The following PPP2R5C variants were observed in gnomAD, a reference collection of about 807,000 sequenced individuals.
PPP2R5C encodes the protein serine/threonine-protein phosphatase 2A 56 kDa regulatory subunit gamma isoform.
Under a neutral mutation model 68.9 loss-of-function variants are expected in PPP2R5C, and 7 were observed. The ratio of observed to expected loss-of-function variants is 0.10; its 90% confidence interval spans 0.06 to 0.19. PPP2R5C has a LOEUF of 0.19. Among genes scored for constraint, PPP2R5C ranks in the 10% least tolerant of loss-of-function variants. The probability of loss-of-function intolerance (pLI) is 1.00; values close to 1 mark genes in which losing one functional copy is unlikely to be tolerated. For missense variants in PPP2R5C, 348 were observed against 641.3 expected (o/e 0.54, Z 4.94); for synonymous variants, 210 against 222.2 (o/e 0.95, Z 0.49).
chr14:101,881,143 C>G (rs144322924), intron 2 of PPP2R5C, among the ~76,000 whole-genome samples: 5 of 152,158 alleles, frequency 3.3e-5, no homozygotes, highest in Middle Eastern at 3.4e-3. Context: ...AATCCCAGCA[C>G]TTTGGGAGGC....
rs116284061 is a variant in PPP2R5C, at chr14:101,868,842, T to A, written c.294+11957T>A. Among the ~76,000 whole-genome samples, 304 of 152,348 alleles carry A rather than the reference T, an allele frequency of 2.0e-3. 3 individuals carry two copies. The highest frequency in any genetic ancestry group is 6.6e-3 in the African/African-American group (276 of 41,578). ...CTTTCTTGTGGCCAGTTCTCGGAAC[T>A]TTGATAAATGTGTATAGTCACGTCT... On this transcript the variant is annotated intron_variant, in intron 2 of 13. Coordinates refer to ENST00000334743, the Ensembl canonical transcript of PPP2R5C.
exon 9 of PPP2R5C, chr14:101,901,734 C>G (rs2045706969): frequency 6.2e-7 from 1 of 1,613,602 alleles, no homozygotes; most frequent in Middle Eastern, 1.8e-4. Flanking sequence ...GATGGCACTT[C>G]TCAAATACTG....
In PPP2R5C at chr14:101,879,353, C is replaced by G. The variant is rs1353860366; in HGVS notation, c.295-2808C>G. ...TTTCCTCTCCCCCAAGACCTACAGC[C>G]TCGTCTCTGGGTGAGCTGACCCCTC... is the stretch of plus-strand genomic sequence containing the variant. On this transcript the variant is annotated intron_variant, in intron 2 of 13. Transcript: ENST00000334743. This position sits in a 1 kb window ranked among gnomAD's most constrained non-coding sequence, Gnocchi z 4.2. 1 of 152,804 alleles carries G rather than the reference C, an allele frequency of 6.5e-6. No homozygotes were observed. The highest frequency in any genetic ancestry group is 1.5e-5 in the Non-Finnish European group (1 of 68,528). 9.5% of individuals were successfully genotyped at this position (152,804 alleles called of 1,614,324 possible). A position where few individuals can be genotyped will look rare whatever the true frequency, so the allele number is the denominator to read the frequency against.
chr14:101,799,219 C>T (rs988122220), intron 3 of PPP2R5C, among the ~76,000 whole-genome samples: 5 of 152,138 alleles, frequency 3.3e-5, no homozygotes, highest in African/African-American at 1.2e-4. Context: ...ATCCCCACGC[C>T]GCAGCTGAAG....
chr14:101,919,993 C>CAAACAAAAAAAAA (rs367834588), intron 13 of PPP2R5C, among the ~76,000 whole-genome samples: 7 of 117,478 alleles, frequency 6.0e-5, no homozygotes, highest in African/African-American at 1.8e-4. Context: ...AAAAAAAAAA[C>CAAACAAAAAAAAA]CAATTCTTAC....
intron 1 of PPP2R5C, among the ~76,000 whole-genome samples, chr14:101,842,121 C>T (rs1303365707): frequency 6.6e-6 from 1 of 152,084 alleles, no homozygotes; most frequent in Admixed American, 6.6e-5. Flanking sequence ...CAACACTTAC[C>T]CAAACACTAG....
intron 2 of PPP2R5C, among the ~76,000 whole-genome samples, chr14:101,881,800 C>G (rs1271326214): frequency 6.6e-6 from 1 of 152,220 alleles, no homozygotes; most frequent in African/African-American, 2.4e-5. Flanking sequence ...TCATCCCTTT[C>G]TTACTCTCAT....
chr14:101,923,143 C>A (rs2047105622), intron 13 of PPP2R5C, among the ~76,000 whole-genome samples: 1 of 152,188 alleles, frequency 6.6e-6, no homozygotes, highest in Non-Finnish European at 1.5e-5. Flanking sequence ...TCTTATTCTC[C>A]CTGCCTGCTG....
intron 2 of PPP2R5C, among the ~76,000 whole-genome samples, chr14:101,881,634 G>C (rs764387051): frequency 2.0e-5 from 3 of 152,174 alleles, no homozygotes; most frequent in Non-Finnish European, 4.4e-5. Flanking sequence ...CTTAGCTGCC[G>C]ACTCAAAGGT....
At chr14:101,787,405 TG>T (rs2038145247) in intron 3 of PPP2R5C, among the ~76,000 whole-genome samples, 1 of 146,768 alleles carries the variant, frequency 6.8e-6, no homozygotes, top group South Asian at 2.2e-4. Flanking sequence ...GGTGGATTTA[TG>T]GGTGGGTGGA....
At chr14:101,850,076 G>A (rs1419150797) in intron 1 of PPP2R5C, among the ~76,000 whole-genome samples, 7 of 152,218 alleles carry the variant, frequency 4.6e-5, no homozygotes, top group Admixed American at 3.3e-4. Flanking sequence ...TTTCTTACTC[G>A]GGTAACTGTT....
At chr14:101,856,607 A>G (rs1595386946) in intron 1 of PPP2R5C, 79 bp from the exon 4 acceptor site, 1 of 1,282,656 alleles carries the variant, frequency 7.8e-7, no homozygotes, top group Admixed American at 1.9e-5. Context: ...ATAAAAATAG[A>G]AGAAAGCTTA....
intron 2 of PPP2R5C, among the ~76,000 whole-genome samples, chr14:101,771,802 C>G (rs1171028192): frequency 2.6e-5 from 4 of 152,088 alleles, no homozygotes; most frequent in Admixed American, 2.6e-4. Context: ...TAGCTCTGAC[C>G]AAGGGCTGGC....
intron 2 of PPP2R5C, among the ~76,000 whole-genome samples, chr14:101,769,317 C>A (rs1457826012): frequency 6.6e-6 from 1 of 152,216 alleles, no homozygotes; most frequent in Non-Finnish European, 1.5e-5. Flanking sequence ...CTGTGACTTG[C>A]CTTCCTAGCT....
intron 2 of PPP2R5C, among the ~76,000 whole-genome samples, chr14:101,771,378 C>A (rs1376602193): frequency 6.6e-6 from 1 of 151,798 alleles, no homozygotes; most frequent in Non-Finnish European, 1.5e-5. Context: ...CCTCAGCCTC[C>A]CAAGTAGCTG....
intron 2 of PPP2R5C, among the ~76,000 whole-genome samples, chr14:101,870,865 T>G (rs946041133): frequency 1.3e-5 from 2 of 152,156 alleles, no homozygotes; most frequent in Admixed American, 1.3e-4. Flanking sequence ...AGTATTTTGG[T>G]TTTTGGTTGT....
chr14:101,793,637 C>T (rs2038471273), intron 3 of PPP2R5C, among the ~76,000 whole-genome samples: 1 of 152,236 alleles, frequency 6.6e-6, no homozygotes, highest in African/African-American at 2.4e-5. Context: ...TTGCAGTACT[C>T]TTTTAGCTCT....
chr14:101,878,866 A>C (rs2043962782), intron 2 of PPP2R5C, among the ~76,000 whole-genome samples: 1 of 152,254 alleles, frequency 6.6e-6, no homozygotes. Context: ...ACAGCTGGGC[A>C]CTGTGGCCTA....
intron 5 of PPP2R5C, chr14:101,889,713 G>A (rs1049772993): frequency 9.9e-6 from 3 of 303,604 alleles, no homozygotes; most frequent in Middle Eastern, 1.2e-3. Context: ...ATGCGTGTGG[G>A]TGTCAGTGGG....
Sources: allele counts gnomAD v4.1 joint callset (sites outside exome capture counted in the v4.1 genomes callset), GRCh38; gene constraint gnomAD v4.1.1; non-coding constraint Gnocchi (gnomAD v3.1); transcripts MANE v1.5; gene names NCBI Gene and HGNC (gene_info 2026-07-23, HGNC 2026-07-21).